The following RIMS1 variants were observed in gnomAD, a reference collection of about 807,000 sequenced individuals.
The protein encoded by RIMS1 is regulating synaptic membrane exocytosis 1.
A neutral mutation model predicts 214.1 loss-of-function variants in RIMS1; 83 were observed. That is an observed-to-expected ratio of 0.39 (90% CI 0.32 to 0.47). The LOEUF is 0.47. RIMS1 is among the 20% of genes least tolerant of loss of function. The pLI is 0.99. For missense variants in RIMS1, 2,050 were observed against 2,161.8 expected (o/e 0.95, Z 1.03); for synonymous variants, 793 against 786.8 (o/e 1.01, Z -0.13).
chr6:72,076,203 T>A (rs1268811564), intron 2 of RIMS1, among the ~76,000 whole-genome samples: 1 of 152,186 alleles, frequency 6.6e-6, no homozygotes, highest in Non-Finnish European at 1.5e-5. Flanking sequence ...CTCACAACAA[T>A]ACTAAGGAAA....
At chr6:72,004,427 T>C (rs1199867944) in intron 2 of RIMS1, among the ~76,000 whole-genome samples, 116 of 152,112 alleles carry the variant, frequency 7.6e-4, no homozygotes, top group African/African-American at 2.8e-3. Context: ...TAGTTCTAGA[T>C]CCCTGAGGAA....
chr6:72,278,944 T>C (rs1480775107), intron 23 of RIMS1, among the ~76,000 whole-genome samples: 1 of 152,074 alleles, frequency 6.6e-6, no homozygotes, highest in African/African-American at 2.4e-5. Flanking sequence ...AGACATATTC[T>C]TATGATATCA....
chr6:72,049,290 G>T (rs1823952940), intron 2 of RIMS1, among the ~76,000 whole-genome samples: 1 of 152,082 alleles, frequency 6.6e-6, no homozygotes, highest in Non-Finnish European at 1.5e-5. Context: ...TCACTGACTG[G>T]GTTGGAATGA....
At position 72,182,400 on chromosome 6, in the gene RIMS1, G is replaced by A. The variant is rs1588670846; in HGVS notation, c.929G>A (p.Arg310His). The stretch of plus-strand genomic sequence containing the variant: ...GAGGGGGCCGTCGAAGAACGGGAGC[G>A]CAAAGAAAGGCGGGAAAGCCGAAGG... ...PVEGAVEERE[R>H]KERRESRRLE... The change falls in exon 6 of 34, where the codon CGC becomes CAC. Residue 310 changes from arginine (R) to histidine (H), a missense_variant. This residue lies in a region of RIMS1 where 882 missense variants were observed against 828.9 expected (regional missense o/e 1.06). Transcript: ENST00000521978. The A allele has an allele frequency of 6.2e-7, 1 of 1,613,918 alleles. No homozygotes were observed. Among genetic ancestry groups the A allele is most frequent in the Non-Finnish European group, 8.5e-7 (1 of 1,179,866 alleles).
chr6:72,016,382 CT>C (rs1307218390), intron 2 of RIMS1, among the ~76,000 whole-genome samples: 1 of 151,988 alleles, frequency 6.6e-6, no homozygotes, highest in African/African-American at 2.4e-5. Flanking sequence ...GTTTGCTCTT[CT>C]TTTTTGAATT....
At chr6:72,173,457 G>A (rs1036366825) in intron 4 of RIMS1, among the ~76,000 whole-genome samples, 1 of 150,692 alleles carries the variant, frequency 6.6e-6, no homozygotes, top group Non-Finnish European at 1.5e-5. Context: ...TTTATTTCAT[G>A]TGTTTTATCT....
chr6:72,359,708 G>A (rs2097760793), intron 29 of RIMS1, among the ~76,000 whole-genome samples: 1 of 152,156 alleles, frequency 6.6e-6, no homozygotes, highest in Admixed American at 6.5e-5. Flanking sequence ...GTGTAAAATA[G>A]CAAGGGTTCC....
At chr6:71,966,032 C>T (rs878965937) in intron 1 of RIMS1, among the ~76,000 whole-genome samples, 1 of 152,134 alleles carries the variant, frequency 6.6e-6, no homozygotes, top group Non-Finnish European at 1.5e-5. Context: ...TATGTTAAAA[C>T]GGTCAAAACT....
chr6:71,916,626 G>A (rs969900200), intron 1 of RIMS1, among the ~76,000 whole-genome samples: 9 of 152,188 alleles, frequency 5.9e-5, no homozygotes, highest in Middle Eastern at 3.4e-3. Flanking sequence ...ATTTTGTAAT[G>A]TGGAGATCAT....
rs184182293 is a variant in RIMS1, at chr6:72,033,902, T to A, written c.246-63047T>A. Among the ~76,000 whole-genome samples, 398 of 152,274 alleles carry A rather than the reference T, an allele frequency of 2.6e-3. 1 individual carries two copies. Among genetic ancestry groups the A allele is most frequent in the African/African-American group, 8.2e-3 (340 of 41,550 alleles). On this transcript the variant is annotated intron_variant, in intron 2 of 33. Coordinates refer to ENST00000521978, the MANE Select transcript of RIMS1 (RefSeq NM_014989.7). ...GAGGGTTGGTTTATAGAAATTTTTT[T>A]AAAAAATATTTTACTGCCCATAGCC... is the stretch of plus-strand genomic sequence containing the variant.
intron 1 of RIMS1, among the ~76,000 whole-genome samples, chr6:71,890,236 T>C (rs1365882872): frequency 6.6e-6 from 1 of 152,156 alleles, no homozygotes; most frequent in Non-Finnish European, 1.5e-5. Flanking sequence ...AAATTGAAAG[T>C]ACTTTATCAT....
intron 4 of RIMS1, among the ~76,000 whole-genome samples, chr6:72,135,638 A>C (rs2041161369): frequency 6.6e-6 from 1 of 152,206 alleles, no homozygotes; most frequent in Non-Finnish European, 1.5e-5. Flanking sequence ...TGACGTGGAA[A>C]GGAGAAGAAA....
intron 6 of RIMS1, among the ~76,000 whole-genome samples, chr6:72,212,098 C>CA (rs1320348086): frequency 1.3e-5 from 2 of 151,730 alleles, no homozygotes; most frequent in Admixed American, 1.3e-4. Flanking sequence ...TATTGAAATC[C>CA]AAAACAATAA....
intron 6 of RIMS1, among the ~76,000 whole-genome samples, chr6:72,185,585 C>T (rs1432165547): frequency 6.6e-6 from 1 of 152,204 alleles, no homozygotes; most frequent in Non-Finnish European, 1.5e-5. Context: ...TGCCAGAAAA[C>T]AGATTGACAT....
rs575133433 is a variant in RIMS1 at position 72,227,871 on chromosome 6, C to T, written c.1679-5902C>T. Among the ~76,000 whole-genome samples, 77 of 152,026 alleles carry T rather than the reference C, an allele frequency of 5.1e-4. 1 individual carries two copies. In the South Asian group the frequency reaches 0.011, roughly 22 times the overall value. ...CAGTTTACCTGAATTATCAAAGTTA[C>T]ATATCAGAGAGAAAGACACAGGGGA... On this transcript the variant is annotated intron_variant, in intron 6 of 33. Coordinates refer to ENST00000521978, the MANE Select transcript of RIMS1 (RefSeq NM_014989.7).
chr6:72,234,050 A>G (rs1346810514), intron 7 of RIMS1, among the ~76,000 whole-genome samples: 1 of 152,036 alleles, frequency 6.6e-6, no homozygotes. Flanking sequence ...TTAAATAATT[A>G]CTATAAGTAA....
intron 2 of RIMS1, among the ~76,000 whole-genome samples, chr6:72,002,714 A>G (rs1805709388): frequency 6.6e-6 from 1 of 152,180 alleles, no homozygotes; most frequent in Admixed American, 6.6e-5. Flanking sequence ...TCAGGGCAGG[A>G]TCAGGCAGGA....
At chr6:72,073,549 T>A (rs1411998126) in intron 2 of RIMS1, among the ~76,000 whole-genome samples, 1 of 152,206 alleles carries the variant, frequency 6.6e-6, no homozygotes, top group Non-Finnish European at 1.5e-5. Flanking sequence ...ATCTCCACCA[T>A]TTTTCTTTCA....
chr6:72,010,817 T>C lies in RIMS1; in HGVS notation c.245+41754T>C, dbSNP rs564789446. Among the ~76,000 whole-genome samples, 3 of 152,080 alleles carry C rather than the reference T, an allele frequency of 2.0e-5. No individual in the cohort carries two copies. In the East Asian group the frequency reaches 5.8e-4, roughly 29 times the overall value. On this transcript the variant is annotated intron_variant, in intron 2 of 33. Coordinates refer to ENST00000521978, the MANE Select transcript of RIMS1 (RefSeq NM_014989.7). ...AGGAGAACTACAAACCACTGCTCAA[T>C]GAAATAAAAGAGGATACAAACAAAT...
Sources: allele counts gnomAD v4.1 joint callset (sites outside exome capture counted in the v4.1 genomes callset), GRCh38; gene constraint gnomAD v4.1.1; regional missense constraint gnomAD v4.1.1; transcripts MANE v1.5; gene names NCBI Gene and HGNC (gene_info 2026-07-23, HGNC 2026-07-21).